Variants in PRKN observed in about 807,000 individuals in gnomAD.
PRKN encodes the protein parkin RBR E3 ubiquitin protein ligase, also known as E3 ubiquitin-protein ligase parkin.
Under a neutral mutation model 59.5 loss-of-function variants are expected in PRKN, and 56 were observed. The ratio of observed to expected loss-of-function variants is 0.94; its 90% CI spans 0.76 to 1.18. The LOEUF is 1.18. Among genes scored for constraint, PRKN ranks in the 50% most tolerant of loss-of-function variants. PRKN has a pLI of 0.00. For synonymous variants in PRKN, 250 were observed against 222.1 expected (o/e 1.13, Z -1.12); for missense variants, 657 against 596.4 (o/e 1.10, Z -1.06).
At chr6:161,600,069 T>TA (rs746039096) in intron 7 of PRKN, among the ~76,000 whole-genome samples, 9 of 152,220 alleles carry the variant, frequency 5.9e-5, no homozygotes, top group Non-Finnish European at 1.0e-4. Flanking sequence ...AATTTCTTTT[T>TA]ATTGTACAGT....
intron 1 of PRKN, among the ~76,000 whole-genome samples, chr6:162,559,145 C>A (rs1013129943): frequency 2.1e-5 from 2 of 96,632 alleles, no homozygotes; most frequent in Non-Finnish European, 4.0e-5. Context: ...AGCAAGATTC[C>A]GTCTCAAAAA....
At chr6:162,380,626 T>C (rs1013838168) in intron 2 of PRKN, among the ~76,000 whole-genome samples, 3 of 149,242 alleles carry the variant, frequency 2.0e-5, no homozygotes, top group Non-Finnish European at 4.5e-5. Flanking sequence ...GTGGAAGGAG[T>C]TGTGGCTTTG....
intron 1 of PRKN, among the ~76,000 whole-genome samples, chr6:162,619,393 G>A (rs974361079): frequency 2.6e-5 from 4 of 151,624 alleles, no homozygotes; most frequent in South Asian, 2.1e-4. Context: ...CAATCCGCCC[G>A]CCTCGGCCTC....
chr6:162,214,608 A>C (rs1777558304), intron 3 of PRKN, among the ~76,000 whole-genome samples: 1 of 152,210 alleles, frequency 6.6e-6, no homozygotes, highest in African/African-American at 2.4e-5. Context: ...GTTCCAGGGA[A>C]GTTACCTGTA....
chr6:162,071,782 A>G (rs978491561), intron 4 of PRKN, among the ~76,000 whole-genome samples: 3 of 151,922 alleles, frequency 2.0e-5, no homozygotes, highest in African/African-American at 7.3e-5. Context: ...TTTTCAGTAG[A>G]GATGGGGTTT....
chr6:162,596,346 G>A (rs532611201), intron 1 of PRKN, among the ~76,000 whole-genome samples: 4 of 152,142 alleles, frequency 2.6e-5, no homozygotes, highest in South Asian at 2.1e-4. Flanking sequence ...CTGCAAATAC[G>A]AAATATTTCT....
chr6:161,469,302 C>T (rs1562469249), intron 9 of PRKN, among the ~76,000 whole-genome samples: 1 of 152,186 alleles, frequency 6.6e-6, no homozygotes, highest in African/African-American at 2.4e-5. Flanking sequence ...ATTCTCTCTC[C>T]TGCCACCCTG....
At chr6:161,730,395 C>T (rs1787640808) in intron 7 of PRKN, among the ~76,000 whole-genome samples, 1 of 150,638 alleles carries the variant, frequency 6.6e-6, no homozygotes, top group Admixed American at 6.6e-5. Context: ...AGATATGTTG[C>T]ATTCTGACGT....
intron 1 of PRKN, among the ~76,000 whole-genome samples, chr6:162,681,673 T>C (rs77943964): frequency 0.015 from 2,312 of 152,258 alleles, 67 homozygotes; most frequent in African/African-American, 0.053. Context: ...ATTGATTGCA[T>C]AAAGCATAAA....
At chr6:161,750,391 G>A (rs113585246) in intron 7 of PRKN, among the ~76,000 whole-genome samples, 1,778 of 152,092 alleles carry the variant, frequency 0.012, 19 homozygotes, top group Middle Eastern at 0.058. Context: ...GTGTTGGAAG[G>A]GCTGGTGATC....
chr6:162,249,412 G>A (rs1372731113), intron 3 of PRKN, among the ~76,000 whole-genome samples: 2 of 152,132 alleles, frequency 1.3e-5, no homozygotes, highest in Admixed American at 1.3e-4. Context: ...ATCAAACACA[G>A]CGGCACGCTA....
intron 7 of PRKN, among the ~76,000 whole-genome samples, chr6:161,737,999 G>A (rs1415063355): frequency 6.6e-6 from 1 of 152,160 alleles, no homozygotes; most frequent in Non-Finnish European, 1.5e-5. Context: ...CATTTAACGA[G>A]CCCTCCTATT....
chr6:161,742,859 C>T (rs550542583), intron 7 of PRKN, among the ~76,000 whole-genome samples: 1 of 152,244 alleles, frequency 6.6e-6, no homozygotes, highest in East Asian at 1.9e-4. Flanking sequence ...GGTGGCGCCC[C>T]CTCATCTGAC....
intron 1 of PRKN, among the ~76,000 whole-genome samples, chr6:162,571,634 G>A (rs575865316): frequency 1.0e-3 from 157 of 152,198 alleles, no homozygotes; most frequent in African/African-American, 3.7e-3. Context: ...TTTAGGGGCA[G>A]CAATGAAGAT....
intron 1 of PRKN, among the ~76,000 whole-genome samples, chr6:162,589,307 A>ATC (rs756437863): frequency 6.6e-6 from 1 of 151,012 alleles, no homozygotes; most frequent in African/African-American, 2.4e-5. Context: ...AATATCTTCA[A>ATC]TCTCTCTCTC....
At chr6:162,635,991 T>C (rs763915537) in intron 1 of PRKN, among the ~76,000 whole-genome samples, 9 of 152,172 alleles carry the variant, frequency 5.9e-5, no homozygotes, top group Non-Finnish European at 1.2e-4. Flanking sequence ...AAATAACTAC[T>C]TACAAATCAT....
At chr6:162,550,374 G>A (rs1477813047) in intron 1 of PRKN, among the ~76,000 whole-genome samples, 1 of 152,174 alleles carries the variant, frequency 6.6e-6, no homozygotes, top group Non-Finnish European at 1.5e-5. Flanking sequence ...ACAAGGGTGT[G>A]TCATTAGGTA....
intron 1 of PRKN, among the ~76,000 whole-genome samples, chr6:162,556,368 T>TGCGTGTGC (rs1779588757): frequency 2.0e-5 from 2 of 98,054 alleles, no homozygotes; most frequent in African/African-American, 5.9e-5. Context: ...TGTGTGTGTG[T>TGCGTGTGC]GTGTGTGTGT....
chr6:161,894,138 C>T (rs1777520394), intron 6 of PRKN, among the ~76,000 whole-genome samples: 2 of 152,150 alleles, frequency 1.3e-5, no homozygotes, highest in African/African-American at 4.8e-5. Context: ...TGACACTACT[C>T]TCTCTTCATT....
Sources: gnomAD v4.1 joint callset for allele counts (sites outside exome capture counted in the v4.1 genomes callset) on GRCh38, gnomAD v4.1.1 for gene constraint, MANE v1.5 for transcripts, NCBI Gene and HGNC (gene_info 2026-07-23, HGNC 2026-07-21) for gene names.